The following GNB4 variants were observed in gnomAD, a reference collection of about 807,000 sequenced individuals.
GNB4 encodes guanine nucleotide-binding protein subunit beta-4.
Under a neutral mutation model 45.2 loss-of-function variants are expected in GNB4, and 28 were observed. That is an observed-to-expected ratio of 0.62 (90% CI 0.46 to 0.85). The LOEUF (loss-of-function observed/expected upper bound fraction) is 0.85. Among genes scored for constraint, GNB4 ranks in the 40% least tolerant of loss-of-function variants. The pLI, the probability that GNB4 is intolerant of heterozygous loss-of-function variation, is 0.00. For missense variants in GNB4, 321 were observed against 425.4 expected, an observed-to-expected ratio of 0.75 and a Z score of 2.16; for synonymous variants, 132 against 143.7, an observed-to-expected ratio of 0.92 and a Z score of 0.58.
chr3:179,435,470 CAAAA>C (rs11389978), intron 1 of GNB4, among the ~76,000 whole-genome samples: 4 of 96,062 alleles, frequency 4.2e-5, no homozygotes, highest in East Asian at 2.9e-4. Context: ...CTTTCTTTTA[CAAAA>C]AAAAAAAAAA....
At chr3:179,441,388 C>A (rs143051197) in intron 1 of GNB4, among the ~76,000 whole-genome samples, 7 of 152,216 alleles carry the variant, frequency 4.6e-5, no homozygotes, top group African/African-American at 7.2e-5. Context: ...AATTTTAACA[C>A]CATGGTAAAT....
the GNB4 span, among the ~76,000 whole-genome samples, chr3:179,501,550 C>G: frequency 6.6e-6 from 1 of 150,890 alleles, no homozygotes; most frequent in Non-Finnish European, 1.5e-5. Context: ...GTCTTGAACT[C>G]CTGACCTTAA....
chr3:179,454,023 AAGAG>A (rs1261341148), upstream of GNB4, among the ~76,000 whole-genome samples: 1 of 152,220 alleles, frequency 6.6e-6, no homozygotes, highest in African/African-American at 2.4e-5. Context: ...CGAAGAACAA[AAGAG>A]AGAGACTGGG....
the GNB4 span, among the ~76,000 whole-genome samples, chr3:179,482,777 G>A: frequency 1.3e-5 from 2 of 152,190 alleles, no homozygotes; most frequent in Non-Finnish European, 2.9e-5. Context: ...CTTTTGAGGT[G>A]AGGGAGGTGG....
the GNB4 span, among the ~76,000 whole-genome samples, chr3:179,527,784 GTA>G: frequency 1.4e-3 from 144 of 105,656 alleles, 1 homozygote; most frequent in Admixed American, 1.9e-3. Context: ...GTGCGTGTGT[GTA>G]TGTATGTGTG....
the GNB4 span, among the ~76,000 whole-genome samples, chr3:179,494,002 G>A: frequency 1.3e-5 from 2 of 152,144 alleles, no homozygotes; most frequent in African/African-American, 4.8e-5. Context: ...CTAGAGGCTG[G>A]GGATGCTAGT....
the GNB4 span, among the ~76,000 whole-genome samples, chr3:179,479,261 C>CCTCTAACAAGAATCA: frequency 6.6e-6 from 1 of 152,096 alleles, no homozygotes; most frequent in Non-Finnish European, 1.5e-5. Flanking sequence ...CCAAGACACA[C>CCTCTAACAAGAATCA]CTCTAACAAG....
chr3:179,516,249 G>A, the GNB4 span, among the ~76,000 whole-genome samples: 1 of 152,196 alleles, frequency 6.6e-6, no homozygotes, highest in African/African-American at 2.4e-5. Context: ...AAGAGCCTGA[G>A]AAACTGCTTG....
At chr3:179,464,929 T>C in the GNB4 span, 1 of 1,533,862 alleles carries the variant, frequency 6.5e-7, no homozygotes, top group Non-Finnish European at 9.0e-7. Context: ...TAGGGAAGAA[T>C]GTGGTTGTGG....
chr3:179,483,203 A>G, the GNB4 span, among the ~76,000 whole-genome samples: 1 of 151,892 alleles, frequency 6.6e-6, no homozygotes. Flanking sequence ...GGAGTAGAAT[A>G]TTTTTTCCCT....
At chr3:179,517,992 AC>A in the GNB4 span, among the ~76,000 whole-genome samples, 1 of 149,958 alleles carries the variant, frequency 6.7e-6, no homozygotes, top group African/African-American at 2.5e-5. Flanking sequence ...CCGTGTCTCT[AC>A]CCCTTCTCCA....
At chr3:179,520,723 A>G in the GNB4 span, among the ~76,000 whole-genome samples, 1 of 152,010 alleles carries the variant, frequency 6.6e-6, no homozygotes, top group South Asian at 2.1e-4. Flanking sequence ...GGCCTCCCAC[A>G]TTATTCCTGA....
chr3:179,404,165 C>T lies in GNB4; in HGVS notation c.916+1025G>A, dbSNP rs555566620. ...TAGAAAATACAAAAAAGCTGCATGG[C>T]AAAAGAAGTCATAACACATCTCATG... On this transcript the variant is annotated intron_variant, in intron 9 of 9. Coordinates refer to ENST00000232564, the MANE Select transcript of GNB4 (RefSeq NM_021629.4). 6.0e-4 allele frequency among the ~76,000 whole-genome samples: 91 copies of T among 152,244 alleles called. 1 individual carries two copies. The highest frequency in any genetic ancestry group is 3.4e-3 in the Middle Eastern group (1 of 294).
At chr3:179,511,654 G>C in the GNB4 span, among the ~76,000 whole-genome samples, 1 of 151,940 alleles carries the variant, frequency 6.6e-6, no homozygotes, top group Non-Finnish European at 1.5e-5. Flanking sequence ...TGGCTCATAA[G>C]GTTATTATGA....
chr3:179,519,971 A>G, the GNB4 span, among the ~76,000 whole-genome samples: 1 of 152,146 alleles, frequency 6.6e-6, no homozygotes, highest in African/African-American at 2.4e-5. Context: ...AAAAACCGGA[A>G]AGCCTTACAG....
chr3:179,475,101 A>ATTATAT, the GNB4 span, among the ~76,000 whole-genome samples: 8 of 151,234 alleles, frequency 5.3e-5, no homozygotes, highest in Non-Finnish European at 1.2e-4. Context: ...AACTCGCTTT[A>ATTATAT]TTTTATTTTT....
At chr3:179,413,278 G>C in intron 8 of GNB4, 134 bp downstream of exon 8, 8 of 676,282 alleles carry the variant, frequency 1.2e-5, no homozygotes, top group Non-Finnish European at 2.1e-5. Flanking sequence ...AAACCCTTAT[G>C]ACTTGGAGAT....
At chr3:179,490,218 C>T in the GNB4 span, among the ~76,000 whole-genome samples, 4 of 152,204 alleles carry the variant, frequency 2.6e-5, no homozygotes, top group Non-Finnish European at 5.9e-5. Context: ...CAATGACTTT[C>T]ATATTTTTTC....
chr3:179,489,876 C>T, the GNB4 span, among the ~76,000 whole-genome samples: 1 of 152,148 alleles, frequency 6.6e-6, no homozygotes, highest in Non-Finnish European at 1.5e-5. Flanking sequence ...TATGCACTTT[C>T]CACATTTCCC....
Sources: gnomAD v4.1 joint callset for allele counts (sites outside exome capture counted in the v4.1 genomes callset) on GRCh38, gnomAD v4.1.1 for gene constraint, MANE v1.5 for transcripts, NCBI Gene and HGNC (gene_info 2026-07-23, HGNC 2026-07-21) for gene names.